The following RANBP2 variants were observed in gnomAD, a reference collection of about 807,000 sequenced individuals.
RANBP2 encodes the protein E3 SUMO-protein ligase RanBP2.
A neutral mutation model predicts 303.6 loss-of-function variants in RANBP2; 57 were observed. That is an observed-to-expected ratio of 0.19 (90% CI 0.15 to 0.23). The LOEUF (loss-of-function observed/expected upper bound fraction) is 0.23. RANBP2 is among the 10% of genes least tolerant of loss of function. The pLI is 1.00. For missense variants in RANBP2, 3,138 were observed against 3,780.8 expected, an observed-to-expected ratio of 0.83 and a Z score of 4.46; for synonymous variants, 1,167 against 1,301.5, an observed-to-expected ratio of 0.90 and a Z score of 2.23.
the RANBP2 span, among the ~76,000 whole-genome samples, chr2:109,432,197 TG>T: frequency 1.2e-4 from 18 of 152,288 alleles, no homozygotes; most frequent in East Asian, 3.1e-3. Flanking sequence ...TTGGGGTCAC[TG>T]GGCCTTAGGG....
chr2:109,186,333 G>T, the RANBP2 span, among the ~76,000 whole-genome samples: 1,224 of 152,354 alleles, frequency 8.0e-3, 12 homozygotes, highest in East Asian at 0.04. Flanking sequence ...CCATCCTGCA[G>T]ATGAAAATGC....
chr2:108,931,654 G>A, the RANBP2 span, among the ~76,000 whole-genome samples: 1 of 152,324 alleles, frequency 6.6e-6, no homozygotes, highest in South Asian at 2.1e-4. Flanking sequence ...AGCTGTTCAG[G>A]TGTTCAGATA....
At chr2:109,405,470 C>T in the RANBP2 span, among the ~76,000 whole-genome samples, 67,188 of 151,954 alleles carry the variant, frequency 0.44, 15,132 homozygotes, top group Middle Eastern at 0.5. Context: ...TGTCCATTCC[C>T]GTGAGCCTGT....
the RANBP2 span, among the ~76,000 whole-genome samples, chr2:109,390,862 C>A: frequency 6.6e-6 from 1 of 152,190 alleles, no homozygotes; most frequent in Admixed American, 6.5e-5. Context: ...AGGGCACTGG[C>A]AGAGGGCGGC....
At chr2:109,190,501 G>A in the RANBP2 span, among the ~76,000 whole-genome samples, 5 of 152,186 alleles carry the variant, frequency 3.3e-5, no homozygotes, top group African/African-American at 9.7e-5. Context: ...GATTGTTTCC[G>A]ATGGGTTGTA....
the RANBP2 span, among the ~76,000 whole-genome samples, chr2:109,276,598 G>A: frequency 7.2e-5 from 11 of 152,338 alleles, no homozygotes; most frequent in East Asian, 2.1e-3. Context: ...AAACTAAATG[G>A]CATGCTTATT....
chr2:108,996,503 C>T, the RANBP2 span, among the ~76,000 whole-genome samples: 2 of 152,198 alleles, frequency 1.3e-5, no homozygotes, highest in African/African-American at 4.8e-5. Flanking sequence ...TTAAGCAGGC[C>T]CATTAACGGT....
the RANBP2 span, among the ~76,000 whole-genome samples, chr2:109,087,064 G>A: frequency 1.3e-5 from 2 of 152,170 alleles, no homozygotes; most frequent in African/African-American, 2.4e-5. Flanking sequence ...TTGGGACAGG[G>A]GACCCCCTGA....
At chr2:109,385,041 T>G in the RANBP2 span, among the ~76,000 whole-genome samples, 3 of 152,252 alleles carry the variant, frequency 2.0e-5, no homozygotes, top group Non-Finnish European at 4.4e-5. Flanking sequence ...TGCCTGGCCC[T>G]GATCGTTGTC....
chr2:108,786,786 G>T (rs377073351), downstream of RANBP2: 320 of 1,545,948 alleles, frequency 2.1e-4, no homozygotes, highest in Non-Finnish European at 2.1e-4. Context: ...TTTGATGAAC[G>T]CGGTTCCCGG....
At chr2:109,360,527 C>T in the RANBP2 span, among the ~76,000 whole-genome samples, 4 of 152,092 alleles carry the variant, frequency 2.6e-5, no homozygotes, top group Non-Finnish European at 5.9e-5. Context: ...GTCCCATACC[C>T]AAGATATCTC....
intron 23 of RANBP2, among the ~76,000 whole-genome samples, chr2:108,774,208 T>A (rs1449391697): frequency 2.6e-5 from 4 of 152,250 alleles, no homozygotes; most frequent in Admixed American, 6.5e-5. Flanking sequence ...GTTATGTGGT[T>A]GCATTCAATT....
At chr2:109,548,508 A>T in the RANBP2 span, among the ~76,000 whole-genome samples, 5 of 151,932 alleles carry the variant, frequency 3.3e-5, no homozygotes, top group Middle Eastern at 3.2e-3. Context: ...TAAGACACCA[A>T]GTTGTCTAGA....
the RANBP2 span, among the ~76,000 whole-genome samples, chr2:108,960,969 C>T: frequency 6.6e-6 from 1 of 152,184 alleles, no homozygotes; most frequent in Admixed American, 6.5e-5. Context: ...CCACAACGTA[C>T]ATAAAAGACA....
At chr2:109,194,573 G>A in the RANBP2 span, among the ~76,000 whole-genome samples, 1 of 152,252 alleles carries the variant, frequency 6.6e-6, no homozygotes, top group South Asian at 2.1e-4. Flanking sequence ...TTCAGGGCCC[G>A]GCGGGCGGGC....
the RANBP2 span, chr2:109,614,281 T>C: frequency 1.8e-6 from 1 of 548,266 alleles, no homozygotes. Context: ...CGTGGCCTGG[T>C]GGCGTGGGCG....
At chr2:109,578,158 C>G in the RANBP2 span, among the ~76,000 whole-genome samples, 1 of 151,696 alleles carries the variant, frequency 6.6e-6, no homozygotes, top group Non-Finnish European at 1.5e-5. Flanking sequence ...ACAGGAAACA[C>G]AAAAAAGATG....
chr2:108,838,680 G>A, the RANBP2 span, among the ~76,000 whole-genome samples: 1 of 152,060 alleles, frequency 6.6e-6, no homozygotes, highest in African/African-American at 2.4e-5. Context: ...TGCATGCAAT[G>A]TAGACATATA....
At chr2:108,759,319 TA>T (rs1471637028) in intron 18 of RANBP2, among the ~76,000 whole-genome samples, 1 of 152,162 alleles carries the variant, frequency 6.6e-6, no homozygotes, top group East Asian at 1.9e-4. Flanking sequence ...AAAGGTTAGG[TA>T]ACTTACTCAT....
Sources: allele counts gnomAD v4.1 joint callset (sites outside exome capture counted in the v4.1 genomes callset), GRCh38; gene constraint gnomAD v4.1.1; transcripts MANE v1.5; gene names NCBI Gene and HGNC (gene_info 2026-07-23, HGNC 2026-07-21).